ARL13B: variants seen among roughly 807,000 people sequenced by gnomAD.
ARL13B encodes the protein ARF like GTPase 13B.
In ARL13B, 36 loss-of-function variants were observed where a neutral mutation model predicts 56.1. The ratio of observed to expected loss-of-function variants is 0.64; its 90% confidence interval spans 0.49 to 0.85. The LOEUF (loss-of-function observed/expected upper bound fraction) is 0.85, where lower values mean the gene tolerates loss of function less well. Among genes scored for constraint, ARL13B ranks in the 40% least tolerant of loss-of-function variants. ARL13B has a pLI of 0.00. For synonymous variants in ARL13B, 178 were observed against 171.1 expected (o/e 1.04, Z -0.32); for missense variants, 519 against 507.1 (o/e 1.02, Z -0.23).
chr3:93,995,266 C>T (rs540874965), intron 1 of ARL13B, among the ~76,000 whole-genome samples: 69 of 151,876 alleles, frequency 4.5e-4, no homozygotes, highest in Non-Finnish European at 8.5e-4. Context: ...GAGCTTTGAC[C>T]AGATTACTTA....
intron 2 of ARL13B, among the ~76,000 whole-genome samples, chr3:93,997,740 A>G (rs1342435983): frequency 1.3e-5 from 2 of 152,196 alleles, no homozygotes; most frequent in Non-Finnish European, 2.9e-5. Context: ...TAATCCCAGC[A>G]CTTTGGGAGG....
At chr3:93,996,026 TATTA>T (rs1353313591) in intron 2 of ARL13B, 82 bp downstream of exon 2, 2 of 1,397,446 alleles carry the variant, frequency 1.4e-6, no homozygotes, top group Admixed American at 1.8e-5. Context: ...CTTTATTCCT[TATTA>T]ATTTGGTACA....
intron 6 of ARL13B, 125 bp from the exon 7 acceptor site, chr3:94,042,890 A>C: frequency 1.4e-6 from 1 of 725,948 alleles, no homozygotes; most frequent in Non-Finnish European, 2.2e-6. Context: ...AATCATTTTT[A>C]AAATAGAAGT....
chr3:94,045,417 G>A (rs530730916), intron 7 of ARL13B, among the ~76,000 whole-genome samples: 5 of 139,702 alleles, frequency 3.6e-5, no homozygotes, highest in South Asian at 2.3e-4. Flanking sequence ...CCCCCTCTCC[G>A]AGAAACACCC....
chr3:94,008,425 A>G (rs984660255), intron 3 of ARL13B, among the ~76,000 whole-genome samples: 1 of 152,312 alleles, frequency 6.6e-6, no homozygotes, highest in Non-Finnish European at 1.5e-5. Context: ...GAGAAAAAGT[A>G]AACAGGTTTT....
chr3:94,006,874 T>A (rs2076144493), intron 3 of ARL13B, among the ~76,000 whole-genome samples: 1 of 152,084 alleles, frequency 6.6e-6, no homozygotes, highest in Non-Finnish European at 1.5e-5. Flanking sequence ...AGATCTGCTG[T>A]ATAATAAGTA....
At chr3:94,052,510 T>G (rs533421315) in intron 9 of ARL13B, among the ~76,000 whole-genome samples, 114 of 151,764 alleles carry the variant, frequency 7.5e-4, no homozygotes, top group African/African-American at 2.7e-3. Context: ...AGATAGAGAG[T>G]TAGGAAAGAA....
At chr3:94,013,738 G>T (rs1431735519) in intron 3 of ARL13B, among the ~76,000 whole-genome samples, 1 of 152,158 alleles carries the variant, frequency 6.6e-6, no homozygotes, top group Admixed American at 6.5e-5. Flanking sequence ...TGGAGGTCAG[G>T]AATTTGAGAC....
chr3:93,997,660 T>A (rs1263211034), intron 2 of ARL13B, among the ~76,000 whole-genome samples: 4 of 152,152 alleles, frequency 2.6e-5, no homozygotes, highest in African/African-American at 9.7e-5. Context: ...TACAAAATTT[T>A]TATACTGTAG....
chr3:94,012,303 A>T (rs1193343722), intron 3 of ARL13B, among the ~76,000 whole-genome samples: 3 of 152,174 alleles, frequency 2.0e-5, no homozygotes, highest in African/African-American at 7.2e-5. Flanking sequence ...TGGACCTTTT[A>T]ATAGTCATTT....
chr3:94,024,540 C>G (rs1255855461), intron 3 of ARL13B, among the ~76,000 whole-genome samples: 2 of 152,156 alleles, frequency 1.3e-5, no homozygotes, highest in Admixed American at 1.3e-4. Context: ...ACAACTCCCT[C>G]TAATGTTTTT....
chr3:94,035,305 A>T, intron 3 of ARL13B, 26 bp from the exon 4 acceptor site: 1 of 1,454,080 alleles, frequency 6.9e-7, no homozygotes, highest in Non-Finnish European at 9.6e-7. Flanking sequence ...TATATGCTGT[A>T]TAAAAGTACT....
intron 9 of ARL13B, among the ~76,000 whole-genome samples, chr3:94,052,883 G>A (rs2077088468): frequency 6.6e-6 from 1 of 152,056 alleles, no homozygotes; most frequent in South Asian, 2.1e-4. Flanking sequence ...GGATTGGAGA[G>A]TATAACATAA....
chr3:94,053,053 G>T, intron 9 of ARL13B, 134 bp from the exon 10 acceptor site: 1 of 734,416 alleles, frequency 1.4e-6, no homozygotes, highest in Non-Finnish European at 2.4e-6. Flanking sequence ...CTTTTAGAGA[G>T]GCATGTCAAG....
intron 8 of ARL13B, among the ~76,000 whole-genome samples, chr3:94,049,942 A>G (rs2077043281): frequency 6.6e-6 from 1 of 150,870 alleles, no homozygotes; most frequent in African/African-American, 2.4e-5. Flanking sequence ...AACCAGGTGA[A>G]GAGTTCGAGA....
chr3:94,020,424 GGACTCAACTCTTTATAC>G (rs2076422869), intron 3 of ARL13B, among the ~76,000 whole-genome samples: 1 of 152,088 alleles, frequency 6.6e-6, no homozygotes, highest in African/African-American at 2.4e-5. Context: ...ATAGTTTGAA[GGACTCAACTCTTTATAC>G]GACAGTATAG....
At chr3:94,013,479 G>A (rs1290176355) in intron 3 of ARL13B, among the ~76,000 whole-genome samples, 1 of 152,176 alleles carries the variant, frequency 6.6e-6, no homozygotes, top group Admixed American at 6.5e-5. Context: ...TTATCTGCCA[G>A]TCTGTAATAC....
chr3:93,999,843 T>G (rs1462483710), intron 2 of ARL13B, among the ~76,000 whole-genome samples: 1 of 152,194 alleles, frequency 6.6e-6, no homozygotes, highest in Non-Finnish European at 1.5e-5. Flanking sequence ...GATAGATGTT[T>G]CTTTCTTTCT....
intron 8 of ARL13B, 66 bp from the exon 9 acceptor site, chr3:94,050,758 T>C (rs1203280420): frequency 7.6e-7 from 1 of 1,319,612 alleles, no homozygotes; most frequent in Non-Finnish European, 1.1e-6. Context: ...CAGGGAGGGA[T>C]CCTCTCAACA....
Sources: allele counts gnomAD v4.1 joint callset (sites outside exome capture counted in the v4.1 genomes callset), GRCh38; gene constraint gnomAD v4.1.1; transcripts MANE v1.5; gene names NCBI Gene and HGNC (gene_info 2026-07-23, HGNC 2026-07-21).